Variants in COL26A1 observed in about 807,000 individuals in gnomAD.
COL26A1 encodes the protein collagen type XXVI alpha 1 chain, also known as collagen alpha-1(XXVI) chain.
Under a neutral mutation model 59.3 loss-of-function variants are expected in COL26A1, and 41 were observed. That is an observed-to-expected ratio of 0.69 (90% CI 0.54 to 0.90). COL26A1 has a LOEUF of 0.90. Ranked by LOEUF, COL26A1 falls within the 40% of genes least tolerant of loss-of-function variation. The pLI is 0.00. For missense variants in COL26A1, 612 were observed against 602.3 expected (o/e 1.02, Z -0.17); for synonymous variants, 266 against 256.0 (o/e 1.04, Z -0.37).
intron 2 of COL26A1, among the ~76,000 whole-genome samples, chr7:101,438,347 C>T (rs568073530): frequency 5.3e-5 from 8 of 151,370 alleles, no homozygotes; most frequent in South Asian, 4.2e-4. Context: ...GGCAACAGAG[C>T]GAGACTCCGT....
chr7:101,410,538 G>A (rs1258448630), intron 1 of COL26A1, among the ~76,000 whole-genome samples: 1 of 152,178 alleles, frequency 6.6e-6, no homozygotes, highest in Non-Finnish European at 1.5e-5. Context: ...ATGTAATCAT[G>A]CATAAAGGAT....
Position 101,535,943 on chromosome 7 carries a change from A to G in COL26A1, c.447+2800A>G, listed in dbSNP as rs150102123. 2.1e-4 allele frequency among the ~76,000 whole-genome samples: 32 copies of G among 152,056 alleles called. 2 individuals carry two copies. Among genetic ancestry groups the G allele is most frequent in the African/African-American group, 7.5e-4 (31 of 41,494 alleles). ...TCTAAGTAGGGGCTGGGAGACTCCT[A>G]TCTTAGCTCCCCCGTCTTGTCTGGA... On this transcript the variant is annotated intron_variant, in intron 4 of 12. Transcript: ENST00000313669.
At chr7:101,447,856 G>T in intron 3 of COL26A1, 69 bp downstream of exon 3, 2 of 908,184 alleles carry the variant, frequency 2.2e-6, no homozygotes, top group Non-Finnish European at 1.8e-6. Context: ...CCCTTCTCTG[G>T]CCTCCTCCTG....
At chr7:101,399,919 C>T (rs891747714) in intron 1 of COL26A1, among the ~76,000 whole-genome samples, 2 of 152,204 alleles carry the variant, frequency 1.3e-5, no homozygotes, top group African/African-American at 4.8e-5. Context: ...CAGATATTTA[C>T]TTATCACCCA....
intron 3 of COL26A1, among the ~76,000 whole-genome samples, chr7:101,473,450 C>T (rs1793953775): frequency 6.7e-6 from 1 of 148,960 alleles, no homozygotes; most frequent in African/African-American, 2.5e-5. Flanking sequence ...TGGGGCTTGG[C>T]ACCACCTGCA....
intron 8 of COL26A1, among the ~76,000 whole-genome samples, chr7:101,547,680 T>C (rs55736157): frequency 0.37 from 55,774 of 152,172 alleles, 10,619 homozygotes; most frequent in African/African-American, 0.43. Context: ...GACTGCCTTG[T>C]CCCTTTCTGC....
intron 1 of COL26A1, among the ~76,000 whole-genome samples, chr7:101,372,142 A>G (rs886654076): frequency 6.6e-6 from 1 of 152,142 alleles, no homozygotes; most frequent in Non-Finnish European, 1.5e-5. Context: ...CCACAAATAT[A>G]TGAAGCCTTG....
rs200104886 is a variant in COL26A1, at chr7:101,551,539, TA to T, written c.1029+397del. Among the ~76,000 whole-genome samples, 912 of 152,210 alleles carry T rather than the reference TA, an allele frequency of 6.0e-3. 4 individuals are homozygous for T. Among genetic ancestry groups the T allele is most frequent in the African/African-American group, 0.021 (854 of 41,548 alleles). On this transcript the variant is annotated intron_variant, in intron 10 of 12. Transcript: ENST00000313669. Reference sequence around the variant, plus strand: ...ATCGACTTTCTTGGAAACAAGAACTTATGAGTCTCCCAGCCTGACCAACATG... The same window carrying T: ...ATCGACTTTCTTGGAAACAAGAACTTTGAGTCTCCCAGCCTGACCAACATG...
intron 4 of COL26A1, among the ~76,000 whole-genome samples, chr7:101,533,729 C>T (rs1007112821): frequency 6.6e-6 from 1 of 152,208 alleles, no homozygotes; most frequent in Non-Finnish European, 1.5e-5. Flanking sequence ...CCTGTGGGAG[C>T]ACCTGGGGCT....
intron 3 of COL26A1, among the ~76,000 whole-genome samples, chr7:101,464,177 G>T (rs147895135): frequency 6.6e-6 from 1 of 151,914 alleles, no homozygotes; most frequent in Non-Finnish European, 1.5e-5. Flanking sequence ...TGTTGCCCAG[G>T]CTGGTATGGA....
chr7:101,558,803 C>T lies in COL26A1; in HGVS notation c.*1273C>T, dbSNP rs1042256050. The stretch of plus-strand genomic sequence containing the variant: ...AGAGAATTGAAGGTGCTGGCGCCAC[C>T]CTGGGGCACTCTGTCTTCACAGCAG... On this transcript the variant is annotated 3_prime_UTR_variant, in exon 13 of 13. Transcript: ENST00000313669. The T allele has an allele frequency of 6.6e-6, 1 of 152,278 alleles. No homozygotes were observed. Among genetic ancestry groups the T allele is most frequent in the African/African-American group, 2.4e-5 (1 of 41,414 alleles). The allele number at this position is 152,278 out of a possible 1,614,324, so 9.4% of individuals were successfully genotyped here. A position where few individuals can be genotyped will look rare whatever the true frequency, so the allele number is the denominator to read the frequency against.
chr7:101,527,685 G>A (rs959199805), intron 3 of COL26A1, among the ~76,000 whole-genome samples: 1 of 152,074 alleles, frequency 6.6e-6, no homozygotes, highest in Non-Finnish European at 1.5e-5. Context: ...AGACTAGTTT[G>A]CCTGGTACGT....
chr7:101,479,392 T>A (rs1177387275), intron 3 of COL26A1, among the ~76,000 whole-genome samples: 1 of 152,246 alleles, frequency 6.6e-6, no homozygotes, highest in Non-Finnish European at 1.5e-5. Flanking sequence ...ATGGTTTAGC[T>A]GGGTATAAAA....
chr7:101,539,280 GTGTGTGTGTGTGTA>G (rs1180906375), intron 4 of COL26A1, among the ~76,000 whole-genome samples: 2 of 135,640 alleles, frequency 1.5e-5, no homozygotes, highest in African/African-American at 6.4e-5. Flanking sequence ...TTTTCTGTCT[GTGTGTGTGTGTGTA>G]TGTGTGTGTG....
intron 3 of COL26A1, among the ~76,000 whole-genome samples, chr7:101,497,748 A>G (rs1397673610): frequency 6.6e-6 from 1 of 152,208 alleles, no homozygotes; most frequent in Non-Finnish European, 1.5e-5. Flanking sequence ...TGGCAGCCCA[A>G]GGTGGAAGGA....
intron 4 of COL26A1, among the ~76,000 whole-genome samples, chr7:101,536,515 G>C (rs778367593): frequency 6.6e-6 from 1 of 152,202 alleles, no homozygotes; most frequent in East Asian, 1.9e-4. Context: ...CCAGGGCAGA[G>C]GCTGGGATCC....
chr7:101,484,474 G>A (rs970792875), intron 3 of COL26A1, among the ~76,000 whole-genome samples: 1 of 151,874 alleles, frequency 6.6e-6, no homozygotes, highest in African/African-American at 2.4e-5. Flanking sequence ...AGGTTCCAGC[G>A]ATTCTCCTGC....
chr7:101,518,077 G>A (rs1318618664), intron 3 of COL26A1, among the ~76,000 whole-genome samples: 1 of 152,058 alleles, frequency 6.6e-6, no homozygotes, highest in Non-Finnish European at 1.5e-5. Context: ...ACCTCCCAAA[G>A]TACTGGGATT....
intron 3 of COL26A1, among the ~76,000 whole-genome samples, chr7:101,489,723 TTCTCTCTCTCTTTCTCTC>T (rs1563007611): frequency 9.6e-6 from 1 of 104,238 alleles, no homozygotes; most frequent in Non-Finnish European, 1.8e-5. Context: ...CATTCTTTCT[TTCTCTCTCTCTTTCTCTC>T]TTTCTTTCTT....
Sources: allele counts gnomAD v4.1 joint callset (sites outside exome capture counted in the v4.1 genomes callset), GRCh38; gene constraint gnomAD v4.1.1; transcripts MANE v1.5; gene names NCBI Gene and HGNC (gene_info 2026-07-23, HGNC 2026-07-21).